Variants in PADI6 observed in about 807,000 individuals in gnomAD.
PADI6 encodes the protein inactive protein-arginine deiminase type-6.
A neutral mutation model predicts 78.2 loss-of-function variants in PADI6; 66 were observed. That is an observed-to-expected ratio of 0.84 (90% confidence interval 0.69 to 1.04). The LOEUF is 1.04. Ranked by LOEUF, PADI6 falls within the 50% of genes least tolerant of loss-of-function variation. The pLI is 0.00. For synonymous variants in PADI6, 397 were observed against 346.9 expected, an observed-to-expected ratio of 1.14 and a Z score of -1.60; for missense variants, 854 against 866.1, an observed-to-expected ratio of 0.99 and a Z score of 0.18.
chr1:17,398,764 C>A lies in PADI6; in HGVS notation c.1768C>A (p.Leu590Met), dbSNP rs761059474. The A allele has an allele frequency of 1.9e-6, 3 of 1,610,786 alleles. No homozygotes were observed. The South Asian group carries it at 3.3e-5, about 18-fold the overall frequency. The change falls in exon 15 of 16, where the codon CTG (leucine) becomes ATG (methionine). Residue 590 changes from leucine to methionine, a missense_variant. By Grantham distance (15) the Leu-to-Met change is conservative. Transcript: ENST00000619609. ...ACAGGACATCATCGAGATTCCCCAG[C>A]TGTTCTGCTTGGAGAAGCTGACTAA... The part of the protein sequence containing the change: ...VEQDIIEIPQ[L>M]FCLEKLTNIP...
At chr1:17,395,199 G>GTTTTT in intron 12 of PADI6, 92 bp downstream of exon 12, 2 of 1,258,804 alleles carry the variant, frequency 1.6e-6, no homozygotes, top group South Asian at 1.6e-5. Context: ...GCTTTTTCTT[G>GTTTTT]TTTTTTTTTT....
chr1:17,388,172 A>G (rs1037426618), intron 6 of PADI6, among the ~76,000 whole-genome samples: 4 of 152,348 alleles, frequency 2.6e-5, no homozygotes, highest in African/African-American at 9.6e-5. Flanking sequence ...AATACTGGTG[A>G]ATAACTGGCC....
At chr1:17,398,050 C>T (rs188171163) in intron 14 of PADI6, among the ~76,000 whole-genome samples, 187 of 152,234 alleles carry the variant, frequency 1.2e-3, no homozygotes, top group Admixed American at 4.9e-3. Context: ...GCAGAGTCTC[C>T]CCAACTTGTA....
At position 17,401,480 on chromosome 1, in the gene PADI6, G is replaced by A; in HGVS notation, c.*42G>A. ...TGCCAGCTCTGCCCCAGCGTGGATG[G>A]CCCACTGTCACCATGCAACAGCATG... On this transcript the variant is annotated 3_prime_UTR_variant, in exon 16 of 16. Transcript: ENST00000619609. 1 of 1,528,870 alleles carries A rather than the reference G, an allele frequency of 6.5e-7. No homozygotes were observed. Among genetic ancestry groups the A allele is most frequent in the Non-Finnish European group, 9.0e-7 (1 of 1,110,954 alleles). The allele number at this position is 1,528,870 out of a possible 1,614,324, so 94.7% of individuals were successfully genotyped here.
At chr1:17,398,651 C>T (rs768465682) in intron 14 of PADI6, 35 bp from the exon 15 acceptor site, 1 of 100,850 alleles carries the variant, frequency 9.9e-6, no homozygotes, top group Non-Finnish European at 1.9e-5. Context: ...TCCTTGCTCC[C>T]CCGCCCCCCC....
chr1:17,386,601 T>C (rs2100304425), intron 6 of PADI6, among the ~76,000 whole-genome samples: 1 of 152,254 alleles, frequency 6.6e-6, no homozygotes, highest in Admixed American at 6.5e-5. Context: ...CCTTGTCTGG[T>C]CTTGCCCCAT....
chr1:17,389,633 G>T (rs2075162100), intron 8 of PADI6, among the ~76,000 whole-genome samples: 1 of 152,226 alleles, frequency 6.6e-6, no homozygotes, highest in Admixed American at 6.5e-5. Flanking sequence ...GAATCCAGGA[G>T]CAGTCTCTAG....
In PADI6 at chr1:17,401,344, TTGAC is replaced by T. The variant is rs779647307; in HGVS notation, c.1994_1997del (p.Asp665ValfsTer3). On this transcript the variant is annotated frameshift_variant, in exon 16 of 16. Transcript: ENST00000619609. LOFTEE classifies it high-confidence loss of function. ...TTCAAGTGCACCTTCATCAATGACT[TTGAC>T]TGTTACCTGACAGAGGTCGGAGACA... 5.0e-6 allele frequency: 8 copies of T among 1,614,068 alleles called. No homozygotes were observed. The highest frequency in any genetic ancestry group is 3.3e-5 in the Admixed American group (2 of 60,036).
At chr1:17,386,589 T>C (rs2075121897) in intron 6 of PADI6, among the ~76,000 whole-genome samples, 1 of 152,152 alleles carries the variant, frequency 6.6e-6, no homozygotes, top group South Asian at 2.1e-4. Flanking sequence ...GGGGGAAGAC[T>C]GCCTTGTCTG....
At chr1:17,388,902 T>C in intron 8 of PADI6, 22 bp downstream of exon 8, 1 of 1,593,190 alleles carries the variant, frequency 6.3e-7, no homozygotes, top group Non-Finnish European at 8.6e-7. Context: ...TCAGGCTGAC[T>C]GTGCCAGGCG....
Position 17,394,463 on chromosome 1 carries a change from C to T in PADI6, c.1337+9C>T. On this transcript the variant is annotated intron_variant, in intron 11 of 15. Coordinates refer to ENST00000619609, the MANE Select transcript of PADI6 (RefSeq NM_207421.4). Reference sequence around the variant, plus strand: ...AGCAGCTTTTACCCCAGGTGAGCCACAAAGCCAGACGCCTCCAAATGAAAG... The same window carrying T: ...AGCAGCTTTTACCCCAGGTGAGCCATAAAGCCAGACGCCTCCAAATGAAAG... The T allele has an allele frequency of 6.2e-7, 1 of 1,611,154 alleles. No individual in the cohort carries two copies. The highest frequency in any genetic ancestry group is 8.5e-7 in the Non-Finnish European group (1 of 1,178,274).
In PADI6 at chr1:17,398,837, T is replaced by A. The variant is rs1440484575; in HGVS notation, c.1841T>A (p.Phe614Tyr). Residue 614 changes from phenylalanine (F) to tyrosine (Y), a missense_variant, in exon 15 of 16, where the codon TTC (phenylalanine) becomes TAC (tyrosine). By Grantham distance (22) the Phe-to-Tyr change is conservative. Coordinates refer to ENST00000619609, the MANE Select transcript of PADI6 (RefSeq NM_207421.4). ...AAGAGGTCCTTTGCGAGGCCATACTTCCCTGACCTGGTGAGGGGCGACTGC... is the reference window on the plus strand; with the variant it reads ...AAGAGGTCCTTTGCGAGGCCATACTACCCTGACCTGGTGAGGGGCGACTGC... ...QPKRSFARPY[F>Y]PDLLRMIVMG... 2 of 1,612,818 alleles carry A rather than the reference T, an allele frequency of 1.2e-6. No homozygotes were observed. Among genetic ancestry groups the A allele is most frequent in the East Asian group, 2.2e-5 (1 of 44,792 alleles).
At chr1:17,373,768 A>C (rs2074987614) in intron 2 of PADI6, among the ~76,000 whole-genome samples, 1 of 152,204 alleles carries the variant, frequency 6.6e-6, no homozygotes, top group Admixed American at 6.6e-5. Context: ...CTGGGATTAC[A>C]GGCATGAGCC....
rs749396125 is a variant in PADI6, at chr1:17,372,254, C to T, written c.9C>T (p.Ser3=). ...GCGGTGCAGGCCTGAGGATGGTCAG[C>T]GTGGAGGGCCGAGCCATGTCCTTCC... The part of the protein sequence containing the change: MV[S]VEGRAMSFQS... The change falls in exon 1 of 16, where the codon AGC becomes AGT. Residue 3 remains serine, a synonymous_variant. Coordinates refer to ENST00000619609, the MANE Select transcript of PADI6 (RefSeq NM_207421.4). 65 of 1,613,724 alleles carry T rather than the reference C, an allele frequency of 4.0e-5. No homozygotes were observed. Among genetic ancestry groups the T allele is most frequent in the South Asian group, 1.6e-4 (15 of 91,086 alleles).
At position 17,393,592 on chromosome 1, in the gene PADI6, T is replaced by A. The variant is rs6695531; in HGVS notation, c.1075-383T>A. ...TCTCAGCTCCACTGCAGCCTCTGCCTCCTCCTGAGTAGCTGGGATTACAGG... is the reference window on the plus strand; with the variant it reads ...TCTCAGCTCCACTGCAGCCTCTGCCACCTCCTGAGTAGCTGGGATTACAGG... On this transcript the variant is annotated intron_variant, in intron 9 of 15. Transcript: ENST00000619609. 8.5e-5 allele frequency among the ~76,000 whole-genome samples: 13 copies of A among 152,100 alleles called. No homozygotes were observed. In the East Asian group the frequency reaches 9.7e-4, roughly 11 times the overall value.
chr1:17,390,089 C>A (rs530518445), intron 8 of PADI6, among the ~76,000 whole-genome samples: 1 of 151,524 alleles, frequency 6.6e-6, no homozygotes. Flanking sequence ...ACCTGAGGGT[C>A]GGAAGTTCGA....
At chr1:17,393,436 G>T (rs6678027) in intron 9 of PADI6, among the ~76,000 whole-genome samples, 91,551 of 151,968 alleles carry the variant, frequency 0.6, 27,842 homozygotes, top group South Asian at 0.67. Flanking sequence ...GTGGCTTCCT[G>T]AGTGGCACCA....
chr1:17,387,647 A>G (rs1218764720), intron 6 of PADI6, among the ~76,000 whole-genome samples: 1 of 152,190 alleles, frequency 6.6e-6, no homozygotes, highest in Non-Finnish European at 1.5e-5. Flanking sequence ...CCAGCTACTC[A>G]GGAAGCTGAG....
At chr1:17,380,123 G>T (rs1181813023) in intron 4 of PADI6, 136 bp downstream of exon 4, 12 of 767,612 alleles carry the variant, frequency 1.6e-5, no homozygotes, top group South Asian at 1.7e-5. Flanking sequence ...GTGGAGGGGA[G>T]GGGTAAACCA....
Sources: gnomAD v4.1 joint callset for allele counts (sites outside exome capture counted in the v4.1 genomes callset) on GRCh38, gnomAD v4.1.1 for gene constraint, MANE v1.5 for transcripts, NCBI Gene and HGNC (gene_info 2026-07-23, HGNC 2026-07-21) for gene names.